Variants in LRRC49 observed in about 807,000 individuals in gnomAD.
LRRC49 encodes leucine-rich repeat-containing protein 49.
In LRRC49, 50 loss-of-function variants were observed where a neutral mutation model predicts 83.3. That is an observed-to-expected ratio of 0.60 (90% CI 0.48 to 0.76). The LOEUF (loss-of-function observed/expected upper bound fraction) is 0.76, where lower values mean the gene tolerates loss of function less well. Among genes scored for constraint, LRRC49 ranks in the 30% least tolerant of loss-of-function variants. The pLI is 0.00. For synonymous variants in LRRC49, 286 were observed against 283.3 expected, an observed-to-expected ratio of 1.01 and a Z score of -0.10; for missense variants, 704 against 809.1, an observed-to-expected ratio of 0.87 and a Z score of 1.58.
chr15:70,892,465 TTCC>T (rs1402633873), upstream of LRRC49: 13 of 1,525,464 alleles, frequency 8.5e-6, no homozygotes, highest in African/African-American at 2.7e-5. Context: ...CTTTGATATC[TTCC>T]TCCTCCTCCT....
intron 6 of LRRC49, among the ~76,000 whole-genome samples, chr15:70,916,619 A>G (rs2034786743): frequency 6.6e-6 from 1 of 152,196 alleles, no homozygotes; most frequent in Non-Finnish European, 1.5e-5. Context: ...TAACGGCAGC[A>G]GCAGGCCATC....
At chr15:70,854,982 T>C (rs2032616033) in intron 1 of LRRC49, among the ~76,000 whole-genome samples, 1 of 152,150 alleles carries the variant, frequency 6.6e-6, no homozygotes, top group African/African-American at 2.4e-5. Flanking sequence ...TAACTTCAAA[T>C]TGAGTTCCAT....
chr15:70,882,532 T>C (rs947780542), intron 2 of LRRC49: 3 of 1,613,850 alleles, frequency 1.9e-6, no homozygotes, highest in South Asian at 2.2e-5. Context: ...AGTCTGTATC[T>C]GTTTCTGAAT....
intron 1 of LRRC49, chr15:70,858,694 C>T (rs2141067536): frequency 3.0e-6 from 2 of 660,762 alleles, no homozygotes; most frequent in Non-Finnish European, 5.1e-6. Flanking sequence ...GCCCGCCTGC[C>T]TCCACTCCTG....
chr15:71,033,265 G>T (rs1436088345), intron 14 of LRRC49, among the ~76,000 whole-genome samples: 1 of 152,130 alleles, frequency 6.6e-6, no homozygotes, highest in Admixed American at 6.5e-5. Context: ...ATTCACAATT[G>T]CTACAAAGAG....
chr15:70,899,549 T>G (rs1037563588), intron 3 of LRRC49, among the ~76,000 whole-genome samples: 2 of 152,188 alleles, frequency 1.3e-5, no homozygotes, highest in African/African-American at 4.8e-5. Context: ...ATCATTATTA[T>G]CTTGATATTT....
intron 7 of LRRC49, among the ~76,000 whole-genome samples, chr15:70,924,868 A>G (rs1053594184): frequency 6.6e-6 from 1 of 152,030 alleles, no homozygotes; most frequent in African/African-American, 2.4e-5. Context: ...ACGTTTGAAT[A>G]TCATATTCCA....
intron 12 of LRRC49, among the ~76,000 whole-genome samples, chr15:71,009,363 A>T (rs1332283037): frequency 6.6e-6 from 1 of 151,940 alleles, no homozygotes; most frequent in Non-Finnish European, 1.5e-5. Flanking sequence ...GTTTGGCAAG[A>T]TACAAGTAAT....
Position 70,878,233 on chromosome 15 carries a change from A to G in LRRC49, c.18+5010A>G, listed in dbSNP as rs1595975755. 2.6e-5 allele frequency among the ~76,000 whole-genome samples: 4 copies of G among 152,140 alleles called. No homozygotes were observed. The South Asian group carries it at 6.2e-4, about 24-fold the overall frequency. ...CAGTTTTTTTTAATCTCAGTTTCCA[A>G]TTGTTCATTGTTAGCATATAGAAAT... is the stretch of plus-strand genomic sequence containing the variant. On this transcript the variant is annotated intron_variant, in intron 2 of 16. Coordinates refer to the LRRC49 transcript ENST00000544974.
intron 11 of LRRC49, among the ~76,000 whole-genome samples, chr15:70,998,945 T>C (rs1256805485): frequency 6.6e-6 from 1 of 152,176 alleles, no homozygotes; most frequent in Non-Finnish European, 1.5e-5. Context: ...TGATTCTTTC[T>C]TCTGCCTGCT....
In LRRC49 at chr15:71,021,248, G is replaced by A. The variant is rs368138080; in HGVS notation, c.1703+8335G>A. Among the ~76,000 whole-genome samples the A allele has an allele frequency of 1.4e-4, 21 of 152,284 alleles. No individual in the cohort carries two copies. The South Asian group carries it at 3.3e-3, about 24-fold the overall frequency. On this transcript the variant is annotated intron_variant, in intron 14 of 15. Coordinates refer to ENST00000260382, the MANE Select transcript of LRRC49 (RefSeq NM_017691.5). ...CACTGCAACAGAAGCATATGTAGTC[G>A]GAAGGAGTAAATGGAGATATTGTAT...
chr15:71,001,590 G>T lies in LRRC49; in HGVS notation c.1170-6789G>T, dbSNP rs2141251827. On this transcript the variant is annotated intron_variant, in intron 11 of 15. Coordinates refer to ENST00000260382, the MANE Select transcript of LRRC49 (RefSeq NM_017691.5). ...CTGCTGCCAATAGTCTTCCCCTACT[G>T]CACTTGTTGTTGTTGTGGGTTTATG... 2.0e-5 allele frequency among the ~76,000 whole-genome samples: 3 copies of T among 152,056 alleles called. No homozygotes were observed. In the South Asian group the frequency reaches 6.3e-4, roughly 32 times the overall value.
chr15:70,853,989 C>G (rs1283174806), intron 1 of LRRC49: 1 of 1,465,176 alleles, frequency 6.8e-7, no homozygotes. Context: ...CCCTCCTCCT[C>G]GTCCTCCAAC....
rs376943419 is a variant in LRRC49 at position 71,009,953 on chromosome 15, G to T, written c.1554G>T (p.Arg518Ser). Reference sequence around the variant, plus strand: ...TCTGGAAATACTATGTACTGTTTAGGCTAAGCCATTTCAGTATGCAGAAAA... The same window carrying T: ...TCTGGAAATACTATGTACTGTTTAGTCTAAGCCATTTCAGTATGCAGAAAA... ...FTLWKYYVLF[R>S]LSHFSMQKIN... Residue 518 changes from arginine (R) to serine (S), a missense_variant, in exon 13 of 16, where the codon AGG (arginine) becomes AGT (serine). By Grantham distance (110) the Arg-to-Ser change is moderately radical. Coordinates refer to ENST00000260382, the MANE Select transcript of LRRC49 (RefSeq NM_017691.5). The T allele has an allele frequency of 1.2e-6, 2 of 1,604,692 alleles. No individual in the cohort carries two copies. The highest frequency in any genetic ancestry group is 2.7e-5 in the African/African-American group (2 of 74,594).
At chr15:70,972,003 G>A (rs1052226967) in intron 9 of LRRC49, among the ~76,000 whole-genome samples, 1 of 152,098 alleles carries the variant, frequency 6.6e-6, no homozygotes, top group Non-Finnish European at 1.5e-5. Context: ...ATATTGTTAT[G>A]TGTGAAATTG....
upstream of LRRC49, among the ~76,000 whole-genome samples, chr15:70,889,687 A>G (rs747130690): frequency 1.3e-5 from 2 of 152,322 alleles, no homozygotes; most frequent in East Asian, 3.9e-4. Flanking sequence ...GAAGCCCCCT[A>G]AAGATATGTA....
intron 9 of LRRC49, among the ~76,000 whole-genome samples, chr15:70,967,299 A>G (rs983240279): frequency 6.6e-6 from 1 of 152,130 alleles, no homozygotes; most frequent in South Asian, 2.1e-4. Flanking sequence ...TGGACATAAT[A>G]GGAGAAACCC....
chr15:70,952,059 A>G (rs2036235019), intron 8 of LRRC49, among the ~76,000 whole-genome samples: 1 of 152,144 alleles, frequency 6.6e-6, no homozygotes, highest in South Asian at 2.1e-4. Flanking sequence ...TATGTGGTGA[A>G]TCACATTTAT....
intron 14 of LRRC49, among the ~76,000 whole-genome samples, chr15:71,013,370 A>G (rs1436840590): frequency 6.6e-6 from 1 of 152,248 alleles, no homozygotes; most frequent in Admixed American, 6.5e-5. Context: ...AAATGAAGCT[A>G]GAAAGACTGA....
Sources: gnomAD v4.1 joint callset for allele counts (sites outside exome capture counted in the v4.1 genomes callset) on GRCh38, gnomAD v4.1.1 for gene constraint, MANE v1.5 for transcripts, NCBI Gene and HGNC (gene_info 2026-07-23, HGNC 2026-07-21) for gene names.